Variants in CPA6 observed in about 807,000 individuals in gnomAD.
CPA6 encodes the protein carboxypeptidase B.
CPA6 carries 58 observed loss-of-function variants against 63.3 expected under a neutral mutation model. The observed-to-expected ratio is 0.92, with a 90% CI of 0.74 to 1.14. The LOEUF is 1.14. Among genes scored for constraint, CPA6 ranks in the 50% most tolerant of loss-of-function variants. The pLI, the probability that CPA6 is intolerant of heterozygous loss-of-function variation, is 0.00. For missense variants in CPA6, 565 were observed against 526.6 expected (o/e 1.07, Z -0.71); for synonymous variants, 185 against 179.0 (o/e 1.03, Z -0.27).
chr8:67,511,972 T>C (rs1038339444), intron 3 of CPA6, among the ~76,000 whole-genome samples: 2 of 152,216 alleles, frequency 1.3e-5, no homozygotes, highest in Admixed American at 1.3e-4. Context: ...ACTACTTACC[T>C]ACCAGCAGCC....
intron 2 of CPA6, among the ~76,000 whole-genome samples, chr8:67,530,864 T>C (rs1812462905): frequency 6.6e-6 from 1 of 152,156 alleles, no homozygotes. Flanking sequence ...TAGTAATAAA[T>C]GCAAAACCTC....
chr8:67,510,822 T>C (rs1812028098), intron 4 of CPA6, among the ~76,000 whole-genome samples: 1 of 152,172 alleles, frequency 6.6e-6, no homozygotes, highest in African/African-American at 2.4e-5. Flanking sequence ...ATGGAACTTG[T>C]AGCTTATTAG....
At chr8:67,529,701 A>G (rs1812437274) in intron 2 of CPA6, among the ~76,000 whole-genome samples, 1 of 152,202 alleles carries the variant, frequency 6.6e-6, no homozygotes, top group African/African-American at 2.4e-5. Flanking sequence ...CAAAGCAAGG[A>G]CATGAAAGCC....
At chr8:67,689,274 C>CAAA (rs145407385) in intron 1 of CPA6, among the ~76,000 whole-genome samples, 42 of 151,470 alleles carry the variant, frequency 2.8e-4, no homozygotes, top group Non-Finnish European at 3.7e-4. Context: ...ACTTCTTCTT[C>CAAA]AAAAAAATTC....
intron 6 of CPA6, among the ~76,000 whole-genome samples, chr8:67,496,941 A>C (rs1429379072): frequency 6.6e-6 from 1 of 152,136 alleles, no homozygotes; most frequent in Non-Finnish European, 1.5e-5. Flanking sequence ...CACTATAGGC[A>C]ACCACTAATC....
intron 2 of CPA6, among the ~76,000 whole-genome samples, chr8:67,576,425 A>C (rs1261508578): frequency 2.0e-5 from 3 of 152,206 alleles, no homozygotes; most frequent in Non-Finnish European, 1.5e-5. Context: ...GGGATGTGTA[A>C]AACATATGAC....
intron 8 of CPA6, among the ~76,000 whole-genome samples, chr8:67,472,703 C>T (rs1407495496): frequency 6.6e-6 from 1 of 152,152 alleles, no homozygotes; most frequent in Non-Finnish European, 1.5e-5. Context: ...GCTGGGAGTA[C>T]AGGCATGAAC....
At chr8:67,728,112 C>T (rs1817634225) in intron 1 of CPA6, among the ~76,000 whole-genome samples, 1 of 135,722 alleles carries the variant, frequency 7.4e-6, no homozygotes, top group Admixed American at 8.1e-5. Flanking sequence ...CCACAAAAAC[C>T]AACAAAACAA....
chr8:67,454,362 A>C (rs1001325386), intron 8 of CPA6, among the ~76,000 whole-genome samples: 1 of 152,212 alleles, frequency 6.6e-6, no homozygotes, highest in Non-Finnish European at 1.5e-5. Flanking sequence ...TTATTTTAAG[A>C]GTCCTGTCCA....
At chr8:67,744,793 T>C (rs899879730) in intron 1 of CPA6, among the ~76,000 whole-genome samples, 1 of 152,122 alleles carries the variant, frequency 6.6e-6, no homozygotes, top group Admixed American at 6.5e-5. Flanking sequence ...CCTGGGATGT[T>C]AACTCCTTTC....
chr8:67,742,521 T>G (rs1817932018), intron 1 of CPA6, among the ~76,000 whole-genome samples: 1 of 152,172 alleles, frequency 6.6e-6, no homozygotes, highest in Non-Finnish European at 1.5e-5. Context: ...ATTTGTAAAA[T>G]GAGGATAACA....
At chr8:67,740,321 C>T (rs1171604574) in intron 1 of CPA6, among the ~76,000 whole-genome samples, 1 of 152,150 alleles carries the variant, frequency 6.6e-6, no homozygotes, top group Non-Finnish European at 1.5e-5. Context: ...ATTTCTTGTG[C>T]TCTAGACCTA....
In CPA6 at chr8:67,666,842, G is replaced by A. The variant is rs551535048; in HGVS notation, c.117-42591C>T. Among the ~76,000 whole-genome samples, 6 of 152,282 alleles carry A rather than the reference G, an allele frequency of 3.9e-5. No homozygotes were observed. The South Asian group carries it at 8.3e-4, about 21-fold the overall frequency. On this transcript the variant is annotated intron_variant, in intron 1 of 10. Coordinates refer to ENST00000297770, the MANE Select transcript of CPA6 (RefSeq NM_020361.5). ...GTTGACAAGAATGGTTGACACTCTCGATCATTCTTGAGTGCCCCCTAAGCA... is the reference window on the plus strand; with the variant it reads ...GTTGACAAGAATGGTTGACACTCTCAATCATTCTTGAGTGCCCCCTAAGCA...
intron 1 of CPA6, among the ~76,000 whole-genome samples, chr8:67,708,506 A>G (rs1194853253): frequency 6.6e-6 from 1 of 152,176 alleles, no homozygotes; most frequent in East Asian, 1.9e-4. Context: ...AACAAGAGGG[A>G]TGGGCCATCA....
At chr8:67,614,447 T>C (rs1419691802) in intron 2 of CPA6, among the ~76,000 whole-genome samples, 1 of 152,198 alleles carries the variant, frequency 6.6e-6, no homozygotes, top group Non-Finnish European at 1.5e-5. Context: ...AGTCTGTTTA[T>C]AGGCACAGCT....
At chr8:67,553,534 T>C (rs1041178905) in intron 2 of CPA6, among the ~76,000 whole-genome samples, 4 of 152,244 alleles carry the variant, frequency 2.6e-5, no homozygotes, top group African/African-American at 9.6e-5. Flanking sequence ...GAAGTAGTTT[T>C]ATGAGCATAC....
chr8:67,609,374 G>A (rs957716569), intron 2 of CPA6, among the ~76,000 whole-genome samples: 2 of 152,072 alleles, frequency 1.3e-5, no homozygotes, highest in African/African-American at 4.8e-5. Flanking sequence ...AACTTTTATG[G>A]CTCATGTTTC....
At chr8:67,558,127 C>T (rs1006938989) in intron 2 of CPA6, among the ~76,000 whole-genome samples, 6 of 152,216 alleles carry the variant, frequency 3.9e-5, no homozygotes, top group Non-Finnish European at 8.8e-5. Flanking sequence ...CATCAAACAG[C>T]TAAGCTCAGT....
At chr8:67,446,484 T>A (rs945111150) in intron 8 of CPA6, among the ~76,000 whole-genome samples, 19 of 152,086 alleles carry the variant, frequency 1.2e-4, no homozygotes, top group African/African-American at 4.3e-4. Context: ...GTAAAAAAAA[T>A]TAGAAAAGAA....
Sources: gnomAD v4.1 joint callset for allele counts (sites outside exome capture counted in the v4.1 genomes callset) on GRCh38, gnomAD v4.1.1 for gene constraint, MANE v1.5 for transcripts, NCBI Gene and HGNC (gene_info 2026-07-23, HGNC 2026-07-21) for gene names.